FOXJ3: variants seen among roughly 807,000 people sequenced by gnomAD.
FOXJ3 encodes forkhead box J3.
In FOXJ3, 22 loss-of-function variants were observed where a neutral mutation model predicts 76.1. The ratio of observed to expected loss-of-function variants is 0.29; its 90% CI spans 0.21 to 0.41. FOXJ3 has a LOEUF of 0.41. Ranked by LOEUF, FOXJ3 falls within the 10% of genes least tolerant of loss-of-function variation. The pLI, the probability that FOXJ3 is intolerant of heterozygous loss-of-function variation, is 1.00. For missense variants in FOXJ3, 613 were observed against 762.1 expected, an observed-to-expected ratio of 0.80 and a Z score of 2.30; for synonymous variants, 269 against 261.2, an observed-to-expected ratio of 1.03 and a Z score of -0.29.
At chr1:42,320,090 AAT>A (rs1655343151) in intron 1 of FOXJ3, among the ~76,000 whole-genome samples, 1 of 152,202 alleles carries the variant, frequency 6.6e-6, no homozygotes, top group Non-Finnish European at 1.5e-5. Flanking sequence ...GGAAGAGACT[AAT>A]AGAAGATGAA....
At chr1:42,315,319 G>C (rs906897293) in intron 1 of FOXJ3, 1 of 556,788 alleles carries the variant, frequency 1.8e-6, no homozygotes, top group African/African-American at 2.0e-5. Flanking sequence ...CTTTAAAATG[G>C]TGAACTTCAC....
At chr1:42,219,904 C>T (rs1416286732) in intron 5 of FOXJ3, among the ~76,000 whole-genome samples, 1 of 152,168 alleles carries the variant, frequency 6.6e-6, no homozygotes, top group East Asian at 1.9e-4. Flanking sequence ...GGGCAACAGG[C>T]TGAGACTTTG....
At chr1:42,265,299 C>A in intron 3 of FOXJ3, 110 bp from the exon 4 acceptor site, 1 of 579,288 alleles carries the variant, frequency 1.7e-6, no homozygotes, top group Non-Finnish European at 3.0e-6. Context: ...AAAACAATTA[C>A]AAATGGAATA....
At chr1:42,252,902 C>A (rs1311605416) in intron 4 of FOXJ3, among the ~76,000 whole-genome samples, 1 of 149,950 alleles carries the variant, frequency 6.7e-6, no homozygotes, top group African/African-American at 2.5e-5. Flanking sequence ...AAAACTGGCA[C>A]AAGACAGGGA....
At position 42,252,758 on chromosome 1, in the gene FOXJ3, G is replaced by A. The variant is rs1476227034; in HGVS notation, c.444+12357C>T. Among the ~76,000 whole-genome samples, 4 of 151,676 alleles carry A rather than the reference G, an allele frequency of 2.6e-5. No homozygotes were observed. In the East Asian group the frequency reaches 7.7e-4, roughly 29 times the overall value. Reference sequence around the variant, plus strand: ...GGATCTTTCCTGCTTTCTCTTGTGGGCATTTAGTGCTATAAATTTCCCTCT... The same window carrying A: ...GGATCTTTCCTGCTTTCTCTTGTGGACATTTAGTGCTATAAATTTCCCTCT... On this transcript the variant is annotated intron_variant, in intron 4 of 12. Transcript: ENST00000361346.
At chr1:42,211,142 T>C (rs948589240) in intron 5 of FOXJ3, among the ~76,000 whole-genome samples, 12 of 152,260 alleles carry the variant, frequency 7.9e-5, no homozygotes, top group Non-Finnish European at 8.8e-5. Flanking sequence ...TTGAAGAAGA[T>C]TGGGATTTCT....
chr1:42,206,327 T>C (rs551044527), intron 5 of FOXJ3, among the ~76,000 whole-genome samples: 1 of 152,360 alleles, frequency 6.6e-6, no homozygotes, highest in East Asian at 1.9e-4. Context: ...GTCATGTCTT[T>C]GAAAGAAACC....
chr1:42,302,988 T>A (rs1297691569), intron 2 of FOXJ3, among the ~76,000 whole-genome samples: 1 of 151,466 alleles, frequency 6.6e-6, no homozygotes, highest in Non-Finnish European at 1.5e-5. Flanking sequence ...AATTTTAGTA[T>A]TCCAAAATTA....
At chr1:42,206,041 T>C (rs1479008943) in intron 5 of FOXJ3, 178 bp from the exon 6 acceptor site, 3 of 543,802 alleles carry the variant, frequency 5.5e-6, no homozygotes, top group South Asian at 5.5e-5. Flanking sequence ...TGACTTGATA[T>C]TACAAAGTCC....
At chr1:42,303,748 A>G (rs1259345409) in intron 2 of FOXJ3, among the ~76,000 whole-genome samples, 1 of 152,130 alleles carries the variant, frequency 6.6e-6, no homozygotes, top group Non-Finnish European at 1.5e-5. Context: ...ATCACCAGAA[A>G]CTACTACAAG....
intron 3 of FOXJ3, among the ~76,000 whole-genome samples, chr1:42,275,172 G>T (rs1400451532): frequency 1.4e-4 from 22 of 152,104 alleles, no homozygotes; most frequent in Admixed American, 1.4e-3. Flanking sequence ...CCTTACAAGG[G>T]AATCACGCAC....
intron 8 of FOXJ3, among the ~76,000 whole-genome samples, chr1:42,192,139 C>T (rs755869509): frequency 1.8e-4 from 28 of 152,174 alleles, no homozygotes; most frequent in Non-Finnish European, 3.1e-4. Context: ...TCTCTGTAGG[C>T]ATAAAGACCA....
chr1:42,330,457 G>A (rs1405375172), intron 1 of FOXJ3, among the ~76,000 whole-genome samples: 2 of 152,150 alleles, frequency 1.3e-5, no homozygotes, highest in African/African-American at 4.8e-5. Context: ...GGGCAACATA[G>A]CGAAACCACT....
intron 6 of FOXJ3, among the ~76,000 whole-genome samples, chr1:42,203,993 C>T (rs1569854227): frequency 1.8e-5 from 2 of 110,748 alleles, no homozygotes; most frequent in Admixed American, 1.9e-4. Flanking sequence ...GAGATCCTGT[C>T]TCAAAAAAAA....
At chr1:42,286,128 T>G (rs1342558704) in intron 2 of FOXJ3, among the ~76,000 whole-genome samples, 1 of 146,058 alleles carries the variant, frequency 6.8e-6, no homozygotes, top group African/African-American at 2.8e-5. Flanking sequence ...TAAAAAGAAA[T>G]AAAATAATTT....
intron 4 of FOXJ3, among the ~76,000 whole-genome samples, chr1:42,258,949 A>C (rs887296966): frequency 1.3e-5 from 2 of 152,212 alleles, no homozygotes; most frequent in African/African-American, 4.8e-5. Context: ...AATATCTGTC[A>C]AGTCTAAGCC....
Position 42,241,401 on chromosome 1 carries a change from G to C in FOXJ3, c.445-13435C>G, listed in dbSNP as rs566631244. Among the ~76,000 whole-genome samples, 8 of 152,224 alleles carry C rather than the reference G, an allele frequency of 5.3e-5. No individual in the cohort carries two copies. The East Asian group carries it at 1.5e-3, about 29-fold the overall frequency. On this transcript the variant is annotated intron_variant, in intron 4 of 12. Transcript: ENST00000361346. Reference sequence around the variant, plus strand: ...CTGAGCACACTGCCAAAGTGCCTGGGGATCACCCCCACTTTGCCCACCAAA... The same window carrying C: ...CTGAGCACACTGCCAAAGTGCCTGGCGATCACCCCCACTTTGCCCACCAAA...
At chr1:42,217,103 ATTAC>A (rs1256912294) in intron 5 of FOXJ3, among the ~76,000 whole-genome samples, 2 of 152,238 alleles carry the variant, frequency 1.3e-5, no homozygotes, top group Non-Finnish European at 2.9e-5. Context: ...AGATGACACA[ATTAC>A]TTATGACAAA....
At chr1:42,181,841 C>T in intron 12 of FOXJ3, 76 bp downstream of exon 12, 1 of 916,030 alleles carries the variant, frequency 1.1e-6, no homozygotes, top group Non-Finnish European at 1.7e-6. Context: ...TCTCTCTCAC[C>T]TGCCATCGTT....
Sources: allele counts gnomAD v4.1 joint callset (sites outside exome capture counted in the v4.1 genomes callset), GRCh38; gene constraint gnomAD v4.1.1; transcripts MANE v1.5; gene names NCBI Gene and HGNC (gene_info 2026-07-23, HGNC 2026-07-21).